CLCN4: variants seen among roughly 807,000 people sequenced by gnomAD.
The protein encoded by CLCN4 is Cl-/H+ antiporter 4.
Under a neutral mutation model 41.7 loss-of-function variants are expected in CLCN4, and 1 was observed. The ratio of observed to expected loss-of-function variants is 0.02; its 90% confidence interval spans 0.01 to 0.11. CLCN4 has a LOEUF of 0.11. CLCN4 is among the 10% of genes least tolerant of loss of function. CLCN4 has a pLI of 1.00. For synonymous variants in CLCN4, 277 were observed against 285.8 expected, an observed-to-expected ratio of 0.97 and a Z score of 0.31; for missense variants, 287 against 661.0, an observed-to-expected ratio of 0.43 and a Z score of 6.20.
chrX:10,198,391 T>C (rs1316682964), intron 6 of CLCN4, among the ~76,000 whole-genome samples: 1 of 112,009 alleles, frequency 8.9e-6, no homozygotes, highest in Non-Finnish European at 1.9e-5. Flanking sequence ...CAGGCATAAC[T>C]CTTAAAGCCT....
Position 10,223,341 on chromosome X carries a change from C to T in CLCN4, c.2192+2464C>T, listed in dbSNP as rs550693620. Among the ~76,000 whole-genome samples, 103 of 112,133 alleles carry T rather than the reference C, an allele frequency of 9.2e-4. 1 individual carries two copies. The highest frequency in any genetic ancestry group is 3.2e-3 in the African/African-American group (99 of 30,881). On this transcript the variant is annotated intron_variant, in intron 12 of 12. Transcript: ENST00000380833. ...GGAAACTCTGCCCTTAATGCCCGCTCACACCTCATAGAGCCCCATGAGGTC... is the reference window on the plus strand; with the variant it reads ...GGAAACTCTGCCCTTAATGCCCGCTTACACCTCATAGAGCCCCATGAGGTC...
At chrX:10,162,122 G>T (rs1044038962) in intron 2 of CLCN4, among the ~76,000 whole-genome samples, 1 of 106,876 alleles carries the variant, frequency 9.4e-6, no homozygotes, top group African/African-American at 3.4e-5. Context: ...GGGTTCAAGC[G>T]ATTGTCATGC....
chrX:10,196,282 G>T (rs10521610), intron 5 of CLCN4, among the ~76,000 whole-genome samples: 12,096 of 112,087 alleles, frequency 0.11, 700 homozygotes, highest in African/African-American at 0.2. Flanking sequence ...AGGCACAGGA[G>T]ATAATAGTGG....
chrX:10,187,130 C>T (rs1923833783), intron 3 of CLCN4, among the ~76,000 whole-genome samples: 1 of 112,233 alleles, frequency 8.9e-6, no homozygotes, highest in African/African-American at 3.2e-5. Flanking sequence ...TGTGAAGAGG[C>T]TTTTTAATGA....
At chrX:10,207,540 T>A in intron 8 of CLCN4, among the ~76,000 whole-genome samples, 1 of 112,137 alleles carries the variant, frequency 8.9e-6, no homozygotes, top group Non-Finnish European at 1.9e-5. Context: ...CACTGAAATT[T>A]GAATTTTATG....
At chrX:10,217,739 A>G (rs1217801613) in intron 11 of CLCN4, among the ~76,000 whole-genome samples, 1 of 87,549 alleles carries the variant, frequency 1.1e-5, no homozygotes, top group Non-Finnish European at 2.2e-5. Context: ...TAAAATATAC[A>G]TTCCTTCATT....
At chrX:10,185,231 A>C in intron 3 of CLCN4, 55 bp downstream of exon 3, 1 of 1,139,724 alleles carries the variant, frequency 8.8e-7, no homozygotes, top group Non-Finnish European at 1.2e-6. Flanking sequence ...GTTTTCATTC[A>C]AAAGTTACTG....
chrX:10,161,686 C>T (rs1238004048), intron 2 of CLCN4, among the ~76,000 whole-genome samples: 1 of 111,099 alleles, frequency 9.0e-6, no homozygotes, highest in Non-Finnish European at 1.9e-5. Context: ...GCAGTGATCC[C>T]CACCCCTGGC....
intron 11 of CLCN4, among the ~76,000 whole-genome samples, chrX:10,219,445 G>A (rs2239430): frequency 0.41 from 45,623 of 111,046 alleles, 7,020 homozygotes; most frequent in East Asian, 0.89. Flanking sequence ...ATTTGAAAAC[G>A]CGTTGTGCCT....
rs761396354 is a variant in CLCN4, at chrX:10,216,652, C to A, written c.1975+2573C>A. Among the ~76,000 whole-genome samples, 16 of 108,184 alleles carry A rather than the reference C, an allele frequency of 1.5e-4. 1 individual carries two copies. The highest frequency in any genetic ancestry group is 2.7e-4 in the African/African-American group (8 of 29,738). The allele number at this position is 108,184 out of a possible 115,157, so 93.9% of individuals were successfully genotyped here. Reference sequence around the variant, plus strand: ...GTACAAAAGTAGTTGCGGTTTTTGCCGTTACTTTCAATGGCAAGAACCGCA... The same window carrying A: ...GTACAAAAGTAGTTGCGGTTTTTGCAGTTACTTTCAATGGCAAGAACCGCA... On this transcript the variant is annotated intron_variant, in intron 11 of 12. Transcript: ENST00000380833.
At chrX:10,171,113 C>G (rs1268397391) in intron 2 of CLCN4, among the ~76,000 whole-genome samples, 1 of 111,911 alleles carries the variant, frequency 8.9e-6, no homozygotes, top group East Asian at 2.8e-4. Flanking sequence ...GTCTCGAGCT[C>G]CTGACCTCAG....
At chrX:10,166,708 A>G (rs760708624) in intron 2 of CLCN4, among the ~76,000 whole-genome samples, 81 of 112,421 alleles carry the variant, frequency 7.2e-4, no homozygotes, top group Non-Finnish European at 1.2e-3. Flanking sequence ...GAAGCCAGGT[A>G]CACGGAGCCC....
At chrX:10,229,368 AAC>A (rs1443535167) in intron 12 of CLCN4, among the ~76,000 whole-genome samples, 5 of 108,108 alleles carry the variant, frequency 4.6e-5, no homozygotes, top group Non-Finnish European at 5.7e-5. Flanking sequence ...ATATTTATGG[AAC>A]ACATGAGATT....
In CLCN4 at chrX:10,237,118, A is replaced by C. The variant is rs147289856; in HGVS notation, c.*3534A>C. The C allele has an allele frequency of 2.5e-3, 281 of 112,431 alleles. 2 individuals carry two copies. Among genetic ancestry groups the C allele is most frequent in the African/African-American group, 8.7e-3 (268 of 30,950 alleles). 9.3% of individuals were successfully genotyped at this position (112,431 alleles called of 1,213,427 possible). On this transcript the variant is annotated 3_prime_UTR_variant, in exon 13 of 13. Transcript: ENST00000380833. Reference sequence around the variant, plus strand: ...AAAGACCTTACAAAGGAGATGTGTAAACTGATAGATTTTGAGCCTAATAAG... The same window carrying C: ...AAAGACCTTACAAAGGAGATGTGTACACTGATAGATTTTGAGCCTAATAAG...
Position 10,233,608 on chromosome X carries a change from G to T in CLCN4, c.*24G>T. 1 of 1,028,118 alleles carries T rather than the reference G, an allele frequency of 9.7e-7. No individual in the cohort carries two copies. The highest frequency in any genetic ancestry group is 1.4e-6 in the Non-Finnish European group (1 of 728,832). 84.7% of individuals were successfully genotyped at this position (1,028,118 alleles called of 1,213,427 possible). ...AGCAACAAGGTGGCAATTATTTTCAGAAAAACACTGACTGTGTCATTTAAA... is the reference window on the plus strand; with the variant it reads ...AGCAACAAGGTGGCAATTATTTTCATAAAAACACTGACTGTGTCATTTAAA... On this transcript the variant is annotated 3_prime_UTR_variant, in exon 13 of 13. Transcript: ENST00000380833.
chrX:10,186,710 A>G (rs1184454633), intron 3 of CLCN4, among the ~76,000 whole-genome samples: 1 of 112,120 alleles, frequency 8.9e-6, no homozygotes. Flanking sequence ...GGGTCGAGGC[A>G]GCATTCCCTC....
chrX:10,169,445 C>T (rs912217602), intron 2 of CLCN4, among the ~76,000 whole-genome samples: 2 of 111,227 alleles, frequency 1.8e-5, no homozygotes, highest in African/African-American at 6.6e-5. Flanking sequence ...CTGTTTTTGT[C>T]AGCCCAACTC....
chrX:10,208,666 TTGCGGTGGG>T, intron 9 of CLCN4, 76 bp downstream of exon 9: 1 of 973,768 alleles, frequency 1.0e-6, no homozygotes, highest in African/African-American at 1.9e-5. Flanking sequence ...TAAAATAAAA[TTGCGGTGGG>T]AAAAAAAGGG....
chrX:10,220,752 T>A lies in CLCN4; in HGVS notation c.2067T>A (p.His689Gln). ...CCGAGCTGCCGGCCAACAGCCCACA[T>A]CCCCTGAAGCTGCGGCGCATCCTGA... ...EPPELPANSP[H>Q]PLKLRRILNL... The change falls in exon 12 of 13, where the codon CAT becomes CAA. Residue 689 changes from histidine (H) to glutamine (Q), a missense_variant. Physicochemically the swap from His to Gln is conservative, Grantham distance 24. Coordinates refer to ENST00000380833, the MANE Select transcript of CLCN4 (RefSeq NM_001830.4). 2.5e-6 allele frequency: 3 copies of A among 1,211,386 alleles called. No individual in the cohort carries two copies. Among genetic ancestry groups the A allele is most frequent in the Non-Finnish European group, 3.4e-6 (3 of 895,244 alleles).
Sources: allele counts gnomAD v4.1 joint callset (sites outside exome capture counted in the v4.1 genomes callset), GRCh38; gene constraint gnomAD v4.1.1; transcripts MANE v1.5; gene names NCBI Gene and HGNC (gene_info 2026-07-23, HGNC 2026-07-21).